The following RBM45 variants were observed in gnomAD, a reference collection of about 807,000 sequenced individuals.
The protein encoded by RBM45 is RNA-binding protein 45.
A neutral mutation model predicts 58.5 loss-of-function variants in RBM45; 39 were observed. That is an observed-to-expected ratio of 0.67 (90% CI 0.52 to 0.87). The LOEUF is 0.87. Among genes scored for constraint, RBM45 ranks in the 40% least tolerant of loss-of-function variants. The pLI, the probability that RBM45 is intolerant of heterozygous loss-of-function variation, is 0.00. For synonymous variants in RBM45, 193 were observed against 203.0 expected (o/e 0.95, Z 0.42); for missense variants, 481 against 581.6 (o/e 0.83, Z 1.78).
chr2:178,124,170 C>T lies in RBM45; in HGVS notation c.1112C>T (p.Thr371Ile). The T allele has an allele frequency of 6.2e-7, 1 of 1,606,938 alleles. No individual in the cohort carries two copies. Among genetic ancestry groups the T allele is most frequent in the African/African-American group, 1.3e-5 (1 of 74,536 alleles). Residue 371 changes from threonine to isoleucine, a missense_variant, in exon 8 of 10, where the codon ACA becomes ATA. By Grantham distance (89) the Thr-to-Ile change is moderately conservative. Coordinates refer to ENST00000286070, the MANE Select transcript of RBM45 (RefSeq NM_152945.4). Reference protein sequence around the residue: ...SSGSQLPQIQTDVVLPSCKKK... With the variant: ...SSGSQLPQIQIDVVLPSCKKK... Reference sequence around the variant, plus strand: ...GGATCACAGTTGCCTCAAATCCAGACAGATGTTGTACTTCCATCATGCAAA... The same window carrying T: ...GGATCACAGTTGCCTCAAATCCAGATAGATGTTGTACTTCCATCATGCAAA...
At chr2:178,121,808 C>G (rs1356639236) in intron 5 of RBM45, among the ~76,000 whole-genome samples, 1 of 152,156 alleles carries the variant, frequency 6.6e-6, no homozygotes, top group Non-Finnish European at 1.5e-5. Context: ...TCCTTTCATT[C>G]CAAGCATCTA....
rs368121303 is a variant in RBM45, at chr2:178,125,662, C to A, written c.1233-322C>A. 332 of 502,354 alleles carry A rather than the reference C, an allele frequency of 6.6e-4. 3 individuals carry two copies. The highest frequency in any genetic ancestry group is 4.8e-3 in the South Asian group (306 of 64,098). The allele number at this position is 502,354 out of a possible 1,614,324, so 31.1% of individuals were successfully genotyped here. A position where few individuals can be genotyped will look rare whatever the true frequency, so the allele number is the denominator to read the frequency against. On this transcript the variant is annotated intron_variant, in intron 8 of 9. Coordinates refer to ENST00000286070, the MANE Select transcript of RBM45 (RefSeq NM_152945.4). The stretch of plus-strand genomic sequence containing the variant: ...AGGCAATGGGGAGCTGCTGAGGGGA[C>A]TTTTAGGGAGTAAATGATCATATTT...
exon 4 of RBM45, chr2:178,138,849 G>A (rs990452964): frequency 3.3e-5 from 5 of 151,938 alleles, no homozygotes; most frequent in Non-Finnish European, 5.9e-5. Context: ...AGAAGGAATG[G>A]CAGTTTATTT....
At chr2:178,119,602 G>A (rs1212390622) in intron 3 of RBM45, among the ~76,000 whole-genome samples, 5 of 152,198 alleles carry the variant, frequency 3.3e-5, no homozygotes, top group Admixed American at 6.5e-5. Flanking sequence ...TAACCCCACT[G>A]TATTAATGAT....
At chr2:178,131,974 C>CATAATAT (rs1574417192), downstream of RBM45, among the ~76,000 whole-genome samples, 1 of 152,120 alleles carries the variant, frequency 6.6e-6, no homozygotes, top group East Asian at 1.9e-4. Context: ...AGTATAAGAA[C>CATAATAT]ATAATATATA....
At chr2:178,118,246 A>C in intron 3 of RBM45, 65 bp downstream of exon 3, 1 of 1,454,114 alleles carries the variant, frequency 6.9e-7, no homozygotes, top group Non-Finnish European at 9.3e-7. Context: ...AAATAGCTGA[A>C]TTTAATATTA....
rs1293117499 is a variant in RBM45, at chr2:178,123,744, A to T, written c.984-84A>T. Reference sequence around the variant, plus strand: ...TAAAAATAGAAACAATTGACCTCTCAGGTGAGAAAGTCACACAAAACAAGC... The same window carrying T: ...TAAAAATAGAAACAATTGACCTCTCTGGTGAGAAAGTCACACAAAACAAGC... On this transcript the variant is annotated intron_variant, in intron 6 of 9. Transcript: ENST00000286070. 1.3e-5 allele frequency: 21 copies of T among 1,592,418 alleles called. No individual in the cohort carries two copies. In the East Asian group the frequency reaches 4.2e-4, roughly 32 times the overall value.
intron 3 of RBM45, among the ~76,000 whole-genome samples, chr2:178,119,182 ATAAAAGTAAATGCCATTTATAGT>A (rs1330252090): frequency 1.4e-4 from 22 of 152,232 alleles, no homozygotes; most frequent in Non-Finnish European, 2.6e-4. Context: ...TAAGCTCTCT[ATAAAAGTAAATGCCATTTATAGT>A]AGACTCAGTA....
chr2:178,125,471 AGGT>A (rs1041528287), intron 8 of RBM45, among the ~76,000 whole-genome samples: 5 of 152,202 alleles, frequency 3.3e-5, no homozygotes, highest in African/African-American at 7.2e-5. Flanking sequence ...ATTTCTCCAC[AGGT>A]GAAAGCTGGG....
chr2:178,114,282 T>C (rs2087741187), intron 1 of RBM45, among the ~76,000 whole-genome samples: 2 of 152,336 alleles, frequency 1.3e-5, no homozygotes, highest in Middle Eastern at 6.8e-3. Context: ...TTTATCGCTG[T>C]CCAATTATGA....
At chr2:178,123,395 G>A (rs982763666) in intron 5 of RBM45, 127 bp from the exon 6 acceptor site, 23 of 886,088 alleles carry the variant, frequency 2.6e-5, no homozygotes, top group Non-Finnish European at 3.8e-5. Flanking sequence ...TGATACATTC[G>A]ATTCTGTATT....
At position 178,137,806 on chromosome 2, in the gene RBM45, C is replaced by T. The variant is rs561044337; in HGVS notation, c.*1352C>T. On this transcript the variant is annotated 3_prime_UTR_variant, in exon 4 of 4. Transcript: ENST00000455903. ...ATCTTATACTTCAATTAAAGTTTTT[C>T]TTTCTTAGTGAATAAAGCAAAAATC... The T allele has an allele frequency of 3.3e-5, 5 of 152,144 alleles. 1 individual carries two copies. The South Asian group carries it at 1.0e-3, about 32-fold the overall frequency. 9.4% of individuals were successfully genotyped at this position (152,144 alleles called of 1,614,324 possible).
intron 1 of RBM45, among the ~76,000 whole-genome samples, chr2:178,115,458 A>G (rs2087758764): frequency 1.3e-5 from 2 of 152,146 alleles, no homozygotes; most frequent in African/African-American, 4.8e-5. Flanking sequence ...ATCAGCCACA[A>G]GACTCTAGTG....
Position 178,112,612 on chromosome 2 carries a change from AC to A in RBM45, c.68del (p.Pro23ArgfsTer9), listed in dbSNP as rs1429198679. 1 of 1,613,850 alleles carries A rather than the reference AC, an allele frequency of 6.2e-7. No homozygotes were observed. The highest frequency in any genetic ancestry group is 2.2e-5 in the East Asian group (1 of 44,878). On this transcript the variant is annotated frameshift_variant, in exon 1 of 10. Transcript: ENST00000286070. LOFTEE classifies it high-confidence loss of function. ...GCCCGGGCGTGGACAGCCTGGACGA[AC>A]CGCCCAACAGCCGCATCTTCCTTGT... ...FRPGVDSLDEPPNSRIFLVIS... is the reference protein window; with the variant it reads ...FRPGVDSLDEXPNSRIFLVIS...
chr2:178,113,537 G>C (rs564931947), intron 1 of RBM45, among the ~76,000 whole-genome samples: 1 of 152,314 alleles, frequency 6.6e-6, no homozygotes, highest in South Asian at 2.1e-4. Context: ...TTTGAAAGCA[G>C]ACCAAAGTAA....
chr2:178,130,476 A>G (rs1285321403), downstream of RBM45, among the ~76,000 whole-genome samples: 1 of 152,124 alleles, frequency 6.6e-6, no homozygotes, highest in African/African-American at 2.4e-5. Context: ...CGTGAGCCAC[A>G]ATAGTGCTGC....
At chr2:178,128,541 A>C (rs1483603283) in intron 9 of RBM45, among the ~76,000 whole-genome samples, 1 of 152,236 alleles carries the variant, frequency 6.6e-6, no homozygotes, top group African/African-American at 2.4e-5. Context: ...TAAGCTTTAT[A>C]AATACCACAT....
Position 178,120,326 on chromosome 2 carries a change from C to G in RBM45, c.590C>G (p.Ser197Cys). ...TTGGCTGAACCTAAAAATAAAGCAT[C>G]TGAATCCTCTGAACAAGATTATTAT... Reference protein sequence around the residue: ...AILAEPKNKASESSEQDYYSN... With the variant: ...AILAEPKNKACESSEQDYYSN... Residue 197 changes from serine (S) to cysteine (C), a missense_variant, in exon 4 of 10, where the codon TCT becomes TGT. Coordinates refer to ENST00000286070, the MANE Select transcript of RBM45 (RefSeq NM_152945.4). 1 of 1,613,260 alleles carries G rather than the reference C, an allele frequency of 6.2e-7. No individual in the cohort carries two copies. The highest frequency in any genetic ancestry group is 8.5e-7 in the Non-Finnish European group (1 of 1,179,540).
Position 178,124,119 on chromosome 2 carries a change from G to T in RBM45, c.1069-8G>T. ...TTTTTCTTTTTCTTGTTTTCTACCT[G>T]TTAACAGCAATTTGGAGGAAGCTCT... On this transcript the variant is annotated splice_polypyrimidine_tract_variant and splice_region_variant and intron_variant, in intron 7 of 9. Coordinates refer to ENST00000286070, the MANE Select transcript of RBM45 (RefSeq NM_152945.4). 2 of 1,580,944 alleles carry T rather than the reference G, an allele frequency of 1.3e-6. No individual in the cohort carries two copies. The highest frequency in any genetic ancestry group is 1.4e-5 in the African/African-American group (1 of 72,646).
Sources: gnomAD v4.1 joint callset for allele counts (sites outside exome capture counted in the v4.1 genomes callset) on GRCh38, gnomAD v4.1.1 for gene constraint, MANE v1.5 for transcripts, NCBI Gene and HGNC (gene_info 2026-07-23, HGNC 2026-07-21) for gene names.